DIS3L2: variants seen among roughly 807,000 people sequenced by gnomAD.
DIS3L2 encodes the protein DIS3 like 3'-5' exoribonuclease 2.
A neutral mutation model predicts 97.5 loss-of-function variants in DIS3L2; 34 were observed. The ratio of observed to expected loss-of-function variants is 0.35; its 90% CI spans 0.27 to 0.46. The LOEUF is 0.46. Among genes scored for constraint, DIS3L2 ranks in the 20% least tolerant of loss-of-function variants. The pLI is 1.00. For missense variants in DIS3L2, 1,038 were observed against 1,146.0 expected (o/e 0.91, Z 1.36); for synonymous variants, 435 against 445.2 (o/e 0.98, Z 0.29).
intron 14 of DIS3L2, among the ~76,000 whole-genome samples, chr2:232,314,782 C>T (rs1112411): frequency 5.3e-5 from 8 of 152,044 alleles, no homozygotes; most frequent in Non-Finnish European, 7.4e-5. Flanking sequence ...AGCCTCCTGG[C>T]GCTGCAGCAA....
chr2:232,053,966 T>G (rs1695477144), intron 5 of DIS3L2, among the ~76,000 whole-genome samples: 1 of 152,188 alleles, frequency 6.6e-6, no homozygotes, highest in Non-Finnish European at 1.5e-5. Context: ...TCTAATCACA[T>G]GATTCATTCT....
intron 1 of DIS3L2, among the ~76,000 whole-genome samples, chr2:231,994,142 A>G (rs575898065): frequency 4.1e-5 from 6 of 147,162 alleles, no homozygotes; most frequent in African/African-American, 1.5e-4. Context: ...TGAAAAGGCT[A>G]TCTTTCCTCC....
chr2:232,202,369 G>C (rs1307607210), intron 9 of DIS3L2, among the ~76,000 whole-genome samples: 1 of 152,170 alleles, frequency 6.6e-6, no homozygotes, highest in Admixed American at 6.5e-5. Flanking sequence ...CTGCACTCCA[G>C]CCTGGCGACA....
chr2:231,967,452 A>G (rs1037350278), intron 1 of DIS3L2, among the ~76,000 whole-genome samples: 42 of 152,172 alleles, frequency 2.8e-4, no homozygotes, highest in Admixed American at 2.6e-3. Context: ...AGCTTTCCAC[A>G]TGGGAAATAG....
rs114635201 is a variant in DIS3L2, at chr2:232,129,276, C to T, written c.602-1343C>T. On this transcript the variant is annotated intron_variant, in intron 6 of 20. Coordinates refer to ENST00000325385, the MANE Select transcript of DIS3L2 (RefSeq NM_152383.5). ...AGGATACTTATTCATGGTAATTCCA[C>T]GCTTTGATTTTTTTCCTCAGTTACT... is the stretch of plus-strand genomic sequence containing the variant. Among the ~76,000 whole-genome samples, 431 of 152,252 alleles carry T rather than the reference C, an allele frequency of 2.8e-3. 1 individual carries two copies. Among genetic ancestry groups the T allele is most frequent in the Non-Finnish European group, 4.7e-3 (320 of 68,018 alleles).
chr2:232,056,283 A>G (rs1559580489), intron 5 of DIS3L2, among the ~76,000 whole-genome samples: 1 of 152,112 alleles, frequency 6.6e-6, no homozygotes, highest in Non-Finnish European at 1.5e-5. Context: ...AGGCAGGACA[A>G]TCGCTTGAAC....
chr2:232,297,280 C>T (rs1694746001), intron 13 of DIS3L2, among the ~76,000 whole-genome samples: 1 of 152,218 alleles, frequency 6.6e-6, no homozygotes, highest in South Asian at 2.1e-4. Context: ...GTGAAGTTCA[C>T]ACACTCCTAC....
chr2:232,002,884 A>G lies in DIS3L2; in HGVS notation c.-93-11951A>G, dbSNP rs560096452. ...AACTCTTATTTTTTCTTTCTTTGTC[A>G]TATAAAAGGAAACATACCATAGATT... On this transcript the variant is annotated intron_variant, in intron 1 of 20. Coordinates refer to ENST00000325385, the MANE Select transcript of DIS3L2 (RefSeq NM_152383.5). Among the ~76,000 whole-genome samples, 5 of 152,252 alleles carry G rather than the reference A, an allele frequency of 3.3e-5. No homozygotes were observed. The South Asian group carries it at 1.0e-3, about 32-fold the overall frequency.
chr2:232,098,230 C>A (rs1030123575), intron 6 of DIS3L2, among the ~76,000 whole-genome samples: 1 of 152,096 alleles, frequency 6.6e-6, no homozygotes, highest in Non-Finnish European at 1.5e-5. Flanking sequence ...AGGAACAATT[C>A]TTTTTTTATT....
intron 14 of DIS3L2, among the ~76,000 whole-genome samples, chr2:232,317,912 C>T (rs1020007940): frequency 3.9e-5 from 6 of 152,212 alleles, no homozygotes; most frequent in African/African-American, 1.4e-4. Flanking sequence ...TTAATCCTCA[C>T]TAGAATAACC....
intron 1 of DIS3L2, among the ~76,000 whole-genome samples, chr2:231,992,144 A>G (rs1265928984): frequency 1.3e-5 from 2 of 152,172 alleles, no homozygotes; most frequent in African/African-American, 2.4e-5. Context: ...TCGTGGTCAA[A>G]TAGATGGAAA....
intron 12 of DIS3L2, among the ~76,000 whole-genome samples, chr2:232,252,799 G>T (rs114231163): frequency 0.012 from 1,813 of 152,236 alleles, 16 homozygotes; most frequent in Non-Finnish European, 0.017. Context: ...TACTCAGGAG[G>T]TTCAGGTGGG....
intron 10 of DIS3L2, among the ~76,000 whole-genome samples, chr2:232,237,978 C>T (rs1421513097): frequency 6.6e-6 from 1 of 152,106 alleles, no homozygotes; most frequent in Non-Finnish European, 1.5e-5. Flanking sequence ...GGGTGTGACC[C>T]TGTAAGGACA....
downstream of DIS3L2, among the ~76,000 whole-genome samples, chr2:232,339,362 G>A (rs549473065): frequency 4.0e-4 from 61 of 152,308 alleles, no homozygotes; most frequent in Middle Eastern, 6.8e-3. Flanking sequence ...ACCCAGCAGC[G>A]CCGCCAGGAG....
intron 7 of DIS3L2, among the ~76,000 whole-genome samples, chr2:232,133,371 G>A (rs1698271338): frequency 6.6e-6 from 1 of 152,184 alleles, no homozygotes. Context: ...TGAAACTACA[G>A]CCCACAAAAG....
chr2:232,216,373 T>A (rs1312652888), intron 10 of DIS3L2, among the ~76,000 whole-genome samples: 3 of 152,234 alleles, frequency 2.0e-5, no homozygotes, highest in African/African-American at 7.2e-5. Flanking sequence ...GTCGCCTTTT[T>A]AACTCATCTT....
chr2:232,076,800 CATA>C (rs2106293258), intron 5 of DIS3L2, among the ~76,000 whole-genome samples: 1 of 152,256 alleles, frequency 6.6e-6, no homozygotes, highest in African/African-American at 2.4e-5. Context: ...TATTTCCCAA[CATA>C]TTTTCTCACG....
At chr2:232,197,549 A>G (rs188014602) in intron 9 of DIS3L2, among the ~76,000 whole-genome samples, 1 of 152,288 alleles carries the variant, frequency 6.6e-6, no homozygotes, top group Admixed American at 6.5e-5. Context: ...TCAGGTTTGG[A>G]TGGGGTACCT....
intron 8 of DIS3L2, among the ~76,000 whole-genome samples, chr2:232,148,662 CAG>C (rs1690295147): frequency 6.7e-6 from 1 of 150,008 alleles, no homozygotes; most frequent in Non-Finnish European, 1.5e-5. Context: ...TCTTTGGACT[CAG>C]AGTATAACCT....
Sources: gnomAD v4.1 joint callset for allele counts (sites outside exome capture counted in the v4.1 genomes callset) on GRCh38, gnomAD v4.1.1 for gene constraint, MANE v1.5 for transcripts, NCBI Gene and HGNC (gene_info 2026-07-23, HGNC 2026-07-21) for gene names.